PROM1: variants seen among roughly 807,000 people sequenced by gnomAD.
PROM1 encodes prominin 1.
A neutral mutation model predicts 116.9 loss-of-function variants in PROM1; 105 were observed. The ratio of observed to expected loss-of-function variants is 0.90; its 90% confidence interval spans 0.77 to 1.06. The LOEUF is 1.06. Among genes scored for constraint, PROM1 ranks in the 50% least tolerant of loss-of-function variants. The pLI is 0.00. For synonymous variants in PROM1, 393 were observed against 387.0 expected, an observed-to-expected ratio of 1.02 and a Z score of -0.18; for missense variants, 1,122 against 1,045.2, an observed-to-expected ratio of 1.07 and a Z score of -1.01.
chr4:16,002,094 T>C (rs1406988272), intron 13 of PROM1, among the ~76,000 whole-genome samples: 1 of 152,050 alleles, frequency 6.6e-6, no homozygotes, highest in Non-Finnish European at 1.5e-5. Flanking sequence ...GCATGATGGC[T>C]TCTATTTTCT....
At position 16,040,277 on chromosome 4, in the gene PROM1, A is replaced by G. The variant is rs548925592; in HGVS notation, c.221-1276T>C. Among the ~76,000 whole-genome samples, 126 of 56,616 alleles carry G rather than the reference A, an allele frequency of 2.2e-3. 1 individual carries two copies. The highest frequency in any genetic ancestry group is 5.7e-3 in the African/African-American group (119 of 20,810). The allele number at this position is 56,616 out of a possible 152,430, so 37.1% of individuals were successfully genotyped here. A position where few individuals can be genotyped will look rare whatever the true frequency, so the allele number is the denominator to read the frequency against. On this transcript the variant is annotated intron_variant, in intron 2 of 27. Coordinates refer to ENST00000447510, the MANE Select transcript of PROM1 (RefSeq NM_006017.3). ...TGTTTAAAGATTATGCTGCAGGAAC[A>G]GAGATTTTCAAACTGATATGTACCC...
rs542645342 is a variant in PROM1, at chr4:16,063,875, G to C, written c.220+11812C>G. On this transcript the variant is annotated intron_variant, in intron 2 of 27. Coordinates refer to ENST00000447510, the MANE Select transcript of PROM1 (RefSeq NM_006017.3). Reference sequence around the variant, plus strand: ...GGGATTTGCTTCAAAGTAAAAGAAGGGGGTAGGAGGAGTGAATAGAGGTAG... The same window carrying C: ...GGGATTTGCTTCAAAGTAAAAGAAGCGGGTAGGAGGAGTGAATAGAGGTAG... 5.3e-5 allele frequency among the ~76,000 whole-genome samples: 8 copies of C among 152,222 alleles called. No individual in the cohort carries two copies. The East Asian group carries it at 1.5e-3, about 29-fold the overall frequency.
At chr4:16,071,776 T>G (rs558439796) in intron 2 of PROM1, among the ~76,000 whole-genome samples, 1 of 152,276 alleles carries the variant, frequency 6.6e-6, no homozygotes, top group African/African-American at 2.4e-5. Flanking sequence ...GTTGTTTAAG[T>G]TACCTAGTCT....
intron 8 of PROM1, among the ~76,000 whole-genome samples, chr4:16,019,390 C>T (rs1044072820): frequency 1.3e-5 from 2 of 152,264 alleles, no homozygotes; most frequent in Non-Finnish European, 2.9e-5. Context: ...CAGCGAGCCA[C>T]AGCTCTCAGT....
intron 19 of PROM1, among the ~76,000 whole-genome samples, chr4:15,988,746 G>A (rs1720169372): frequency 6.6e-6 from 1 of 152,202 alleles, no homozygotes; most frequent in South Asian, 2.1e-4. Context: ...TAACAAATTT[G>A]TGTTAGGCAT....
chr4:16,017,531 T>C (rs1372307196), intron 9 of PROM1, among the ~76,000 whole-genome samples: 1 of 152,218 alleles, frequency 6.6e-6, no homozygotes, highest in East Asian at 1.9e-4. Context: ...TTATATAAAA[T>C]GTGAGGTGTC....
intron 1 of PROM1, chr4:16,079,974 C>T (rs1744691099): frequency 1.5e-5 from 2 of 134,464 alleles, no homozygotes; most frequent in Non-Finnish European, 3.1e-5. Context: ...TGAAGAATTG[C>T]TACCAGCCTG....
chr4:16,035,930 T>C (rs1733848823), intron 3 of PROM1, among the ~76,000 whole-genome samples, 169 bp from the exon 4 acceptor site: 1 of 152,240 alleles, frequency 6.6e-6, no homozygotes, highest in South Asian at 2.1e-4. Flanking sequence ...AACTTGAGTG[T>C]GAATTCAAGA....
chr4:16,041,349 T>TA (rs147046373), intron 2 of PROM1, among the ~76,000 whole-genome samples: 5,889 of 151,460 alleles, frequency 0.039, 148 homozygotes, highest in African/African-American at 0.069. Context: ...TTATCCTGTG[T>TA]AAAAAAAAAT....
At chr4:15,993,042 A>G (rs891858965) in intron 16 of PROM1, among the ~76,000 whole-genome samples, 1 of 152,226 alleles carries the variant, frequency 6.6e-6, no homozygotes, top group African/African-American at 2.4e-5. Flanking sequence ...CACGACGGGC[A>G]TCTATTTAGG....
rs34269395 is a variant in PROM1 at position 15,980,540 on chromosome 4, A to AG, written c.2374-4dup. The AG allele has an allele frequency of 0.26, 385,139 of 1,485,620 alleles. 51,835 individuals are homozygous for AG. The highest frequency in any genetic ancestry group is 0.34 in the African/African-American group (24,131 of 70,940). 92.0% of individuals were successfully genotyped at this position (1,485,620 alleles called of 1,614,324 possible). A position where few individuals can be genotyped will look rare whatever the true frequency, so the allele number is the denominator to read the frequency against. On this transcript the variant is annotated splice_polypyrimidine_tract_variant and splice_region_variant and intron_variant, in intron 23 of 27. Transcript: ENST00000447510. ...CCTATGCCAAACCAAAACAAATTCT[A>AG]GGAAAAAAAAATCAGAAGAATTAAA... is the stretch of plus-strand genomic sequence containing the variant.
At chr4:16,041,349 TA>T (rs147046373) in intron 2 of PROM1, among the ~76,000 whole-genome samples, 3 of 151,484 alleles carry the variant, frequency 2.0e-5, no homozygotes, top group African/African-American at 2.4e-5. Context: ...TTATCCTGTG[TA>T]AAAAAAAATG....
chr4:15,974,399 C>T (rs1715540751), intron 26 of PROM1, among the ~76,000 whole-genome samples: 1 of 152,050 alleles, frequency 6.6e-6, no homozygotes, highest in South Asian at 2.1e-4. Flanking sequence ...GGACTAATTA[C>T]AGTGTGCGTG....
chr4:16,077,679 TC>T (rs1383607986), intron 1 of PROM1, among the ~76,000 whole-genome samples: 1 of 152,204 alleles, frequency 6.6e-6, no homozygotes, highest in East Asian at 1.9e-4. Flanking sequence ...GCCTTCAAAG[TC>T]CAAGATCTAA....
intron 26 of PROM1, 69 bp from the exon 27 acceptor site, chr4:15,971,151 G>C (rs1201737134): frequency 7.4e-7 from 1 of 1,346,352 alleles, no homozygotes; most frequent in Non-Finnish European, 1.0e-6. Context: ...TCACCTCTGT[G>C]CTAAGAAGCA....
intron 2 of PROM1, among the ~76,000 whole-genome samples, chr4:16,064,751 G>T (rs1741120911): frequency 6.6e-6 from 1 of 152,054 alleles, no homozygotes; most frequent in Non-Finnish European, 1.5e-5. Flanking sequence ...AAATTATCCA[G>T]GCATGGTGGC....
At chr4:16,080,951 G>C (rs1469798963) in intron 1 of PROM1, among the ~76,000 whole-genome samples, 1 of 152,130 alleles carries the variant, frequency 6.6e-6, no homozygotes, top group Admixed American at 6.5e-5. Context: ...GCATGTCCTA[G>C]ATTCCTAAGC....
chr4:16,077,110 T>C (rs1744129137), intron 1 of PROM1, among the ~76,000 whole-genome samples: 1 of 152,102 alleles, frequency 6.6e-6, no homozygotes. Flanking sequence ...GGAGCATTAG[T>C]ATAAGAGGAA....
intron 2 of PROM1, among the ~76,000 whole-genome samples, chr4:16,043,994 T>C (rs1735941912): frequency 6.6e-6 from 1 of 152,208 alleles, no homozygotes; most frequent in African/African-American, 2.4e-5. Context: ...TGTCTTAGCT[T>C]CGTGGGATTC....
Sources: allele counts gnomAD v4.1 joint callset (sites outside exome capture counted in the v4.1 genomes callset), GRCh38; gene constraint gnomAD v4.1.1; transcripts MANE v1.5; gene names NCBI Gene and HGNC (gene_info 2026-07-23, HGNC 2026-07-21).